PLXDC2: variants seen among roughly 807,000 people sequenced by gnomAD.
PLXDC2 encodes plexin domain containing 2.
A neutral mutation model predicts 68.9 loss-of-function variants in PLXDC2; 40 were observed. The observed-to-expected ratio is 0.58, with a 90% CI of 0.45 to 0.76. The LOEUF is 0.76. Ranked by LOEUF, PLXDC2 falls within the 30% of genes least tolerant of loss-of-function variation. PLXDC2 has a pLI of 0.00. For missense variants in PLXDC2, 644 were observed against 661.9 expected (o/e 0.97, Z 0.30); for synonymous variants, 243 against 234.2 (o/e 1.04, Z -0.34).
chr10:19,986,978 T>C (rs1834652033), intron 1 of PLXDC2, among the ~76,000 whole-genome samples: 1 of 152,190 alleles, frequency 6.6e-6, no homozygotes, highest in South Asian at 2.1e-4. Flanking sequence ...AAGTGGGAAG[T>C]GGTTGTGGGA....
chr10:20,048,466 C>T (rs75993771), intron 3 of PLXDC2, among the ~76,000 whole-genome samples: 2,502 of 151,830 alleles, frequency 0.016, 66 homozygotes, highest in African/African-American at 0.057. Context: ...AACAGATTGT[C>T]AAAAGAAGAG....
At chr10:20,237,723 A>G (rs1351956683) in intron 12 of PLXDC2, among the ~76,000 whole-genome samples, 1 of 152,216 alleles carries the variant, frequency 6.6e-6, no homozygotes, top group African/African-American at 2.4e-5. Context: ...AAGCTTTAAA[A>G]GAGCACATTT....
At chr10:20,031,008 G>A (rs1252146720) in intron 2 of PLXDC2, among the ~76,000 whole-genome samples, 1 of 152,162 alleles carries the variant, frequency 6.6e-6, no homozygotes, top group Non-Finnish European at 1.5e-5. Flanking sequence ...GGCTGACTGG[G>A]ACCAGCCAGG....
intron 3 of PLXDC2, among the ~76,000 whole-genome samples, chr10:20,050,735 CAG>C (rs1364552064): frequency 6.6e-6 from 1 of 150,678 alleles, no homozygotes; most frequent in Admixed American, 6.6e-5. Flanking sequence ...CAAAAAAAAA[CAG>C]ATGCTGGTGA....
chr10:20,032,347 G>A (rs1835512984), intron 2 of PLXDC2, among the ~76,000 whole-genome samples: 1 of 152,160 alleles, frequency 6.6e-6, no homozygotes. Context: ...GGAAAATGAA[G>A]TTGGAGAGAT....
rs538527128 is a variant in PLXDC2, at chr10:20,251,969, G to A, written c.1473+6464G>A. On this transcript the variant is annotated intron_variant, in intron 13 of 13. Transcript: ENST00000377252. Reference sequence around the variant, plus strand: ...TTAAAAAAAAAAAAGTAAAAACTAAGAGTACCTAATCCTGCCATTTATGCT... The same window carrying A: ...TTAAAAAAAAAAAAGTAAAAACTAAAAGTACCTAATCCTGCCATTTATGCT... Among the ~76,000 whole-genome samples, 6 of 150,538 alleles carry A rather than the reference G, an allele frequency of 4.0e-5. No homozygotes were observed. In the East Asian group the frequency reaches 1.2e-3, roughly 29 times the overall value.
chr10:20,016,546 A>G (rs568848177), intron 2 of PLXDC2, among the ~76,000 whole-genome samples: 1 of 152,328 alleles, frequency 6.6e-6, no homozygotes, highest in African/African-American at 2.4e-5. Flanking sequence ...TTCTTCTGCA[A>G]AAGAATACAC....
chr10:20,046,913 A>G lies in PLXDC2; in HGVS notation c.369A>G (p.Pro123=), dbSNP rs764928805. 2.5e-6 allele frequency: 4 copies of G among 1,612,868 alleles called. No homozygotes were observed. The African/African-American group carries it at 4.0e-5, about 16-fold the overall frequency. The part of the protein sequence containing the change: ...HNYYISRIYG[P]SDSASRDLWV... Reference sequence around the variant, plus strand: ...ACTATATATCTCGAATATATGGTCCATCTGATTCTGCCAGCCGGGATTTAT... The same window carrying G: ...ACTATATATCTCGAATATATGGTCCGTCTGATTCTGCCAGCCGGGATTTAT... Residue 123 remains proline (P), a synonymous_variant, in exon 3 of 14, where the codon CCA becomes CCG. Transcript: ENST00000377252.
chr10:20,249,415 C>T (rs1055928342), intron 13 of PLXDC2, among the ~76,000 whole-genome samples: 1 of 152,188 alleles, frequency 6.6e-6, no homozygotes, highest in African/African-American at 2.4e-5. Flanking sequence ...GTGCTAAAAT[C>T]AGGATATGGA....
At chr10:19,972,944 T>C (rs1217407291) in intron 1 of PLXDC2, among the ~76,000 whole-genome samples, 2 of 152,068 alleles carry the variant, frequency 1.3e-5, no homozygotes, top group African/African-American at 4.8e-5. Context: ...ATATCTAAAA[T>C]TGTATGTTAA....
rs1836342149 is a variant in PLXDC2, at chr10:19,816,470, T to C, written c.-610T>C. 1 of 149,536 alleles carries C rather than the reference T, an allele frequency of 6.7e-6. No homozygotes were observed. The highest frequency in any genetic ancestry group is 6.7e-5 in the Admixed American group (1 of 14,930). The allele number at this position is 149,536 out of a possible 1,614,324, so 9.3% of individuals were successfully genotyped here. A position where few individuals can be genotyped will look rare whatever the true frequency, so the allele number is the denominator to read the frequency against. On this transcript the variant is annotated 5_prime_UTR_variant, in exon 1 of 14. Transcript: ENST00000377252. ...CCTAACCTTCCCAGGGCTCAGCTCT[T>C]TGGAGCTGCCCATTCCTCCGGCTGC...
chr10:20,194,030 A>C (rs1036442933), intron 9 of PLXDC2, among the ~76,000 whole-genome samples: 7 of 152,054 alleles, frequency 4.6e-5, no homozygotes, highest in Non-Finnish European at 1.0e-4. Context: ...CAATCTTAGA[A>C]ACTGACCCAG....
chr10:19,924,839 T>C (rs1833512654), intron 1 of PLXDC2, among the ~76,000 whole-genome samples: 1 of 152,180 alleles, frequency 6.6e-6, no homozygotes, highest in African/African-American at 2.4e-5. Flanking sequence ...GTAATAAAGG[T>C]GACAGGTTAG....
At chr10:20,114,313 G>C (rs759483089) in intron 4 of PLXDC2, among the ~76,000 whole-genome samples, 1 of 152,164 alleles carries the variant, frequency 6.6e-6, no homozygotes, top group Non-Finnish European at 1.5e-5. Context: ...TGTGAAGTCC[G>C]GAGAAGGCTT....
chr10:20,202,437 A>G (rs974119506), intron 9 of PLXDC2, among the ~76,000 whole-genome samples: 3 of 152,136 alleles, frequency 2.0e-5, no homozygotes, highest in Non-Finnish European at 4.4e-5. Flanking sequence ...GGGTTTCACT[A>G]TTTCCACATC....
At position 20,045,300 on chromosome 10, in the gene PLXDC2, A is replaced by G. The variant is rs149481579; in HGVS notation, c.325-1569A>G. Among the ~76,000 whole-genome samples the G allele has an allele frequency of 6.9e-3, 1,052 of 152,168 alleles. 13 individuals are homozygous for G. Among genetic ancestry groups the G allele is most frequent in the African/African-American group, 0.024 (1,003 of 41,524 alleles). ...GCTCTCCTACCTCAGCCTGTCAAGT[A>G]GCTGGGATTACAAGCACCCGCCACT... On this transcript the variant is annotated intron_variant, in intron 2 of 13. Coordinates refer to ENST00000377252, the MANE Select transcript of PLXDC2 (RefSeq NM_032812.9).
At chr10:19,900,883 A>G (rs1838146846) in intron 1 of PLXDC2, among the ~76,000 whole-genome samples, 2 of 151,590 alleles carry the variant, frequency 1.3e-5, no homozygotes, top group South Asian at 4.2e-4. Context: ...GAGTTACTTC[A>G]TTTAGAATAA....
At chr10:20,121,643 GT>G (rs1188296670) in intron 4 of PLXDC2, among the ~76,000 whole-genome samples, 1 of 152,160 alleles carries the variant, frequency 6.6e-6, no homozygotes, top group Non-Finnish European at 1.5e-5. Context: ...AAGAAAGCAT[GT>G]TTGAGATCCA....
At chr10:20,092,015 A>C (rs548115801) in intron 4 of PLXDC2, among the ~76,000 whole-genome samples, 2 of 152,162 alleles carry the variant, frequency 1.3e-5, no homozygotes, top group African/African-American at 4.8e-5. Context: ...AATTTTATAC[A>C]TCTAATCCCA....
Sources: allele counts gnomAD v4.1 joint callset (sites outside exome capture counted in the v4.1 genomes callset), GRCh38; gene constraint gnomAD v4.1.1; transcripts MANE v1.5; gene names NCBI Gene and HGNC (gene_info 2026-07-23, HGNC 2026-07-21).